PLEKHG5: variants seen among roughly 807,000 people sequenced by gnomAD.
PLEKHG5 encodes pleckstrin homology and RhoGEF domain containing G5.
Under a neutral mutation model 103.8 loss-of-function variants are expected in PLEKHG5, and 52 were observed. That is an observed-to-expected ratio of 0.50 (90% CI 0.40 to 0.63). The LOEUF (loss-of-function observed/expected upper bound fraction) is 0.63, where lower values mean the gene tolerates loss of function less well. Ranked by LOEUF, PLEKHG5 falls within the 30% of genes least tolerant of loss-of-function variation. PLEKHG5 has a pLI of 0.00. For missense variants in PLEKHG5, 1,205 were observed against 1,347.6 expected, an observed-to-expected ratio of 0.89 and a Z score of 1.66; for synonymous variants, 592 against 575.5, an observed-to-expected ratio of 1.03 and a Z score of -0.41.
At chr1:6,496,400 G>T (rs1645224700), upstream of PLEKHG5, 1 of 998,874 alleles carries the variant, frequency 1.0e-6, no homozygotes, top group Non-Finnish European at 1.6e-6. Context: ...CCCGTGCCAG[G>T]GCTCTGTGGA....
Position 6,473,085 on chromosome 1 carries a change from G to T in PLEKHG5, c.885C>A (p.Asp295Glu). Residue 295 changes from aspartate (D) to glutamate (E), a missense_variant, in exon 9 of 21, where the codon GAC (aspartate) becomes GAA (glutamate). Physicochemically the swap from Asp to Glu is conservative, Grantham distance 45 (BLOSUM62 2). Transcript: ENST00000377728. ...LPRLPRGLRF[D>E]HDSWEEEYDE... Reference sequence around the variant, plus strand: ...CGTACTCCTCCTCCCAGGAGTCATGGTCGAAGCGCAGCCCCCGGGGCAGCC... The same window carrying T: ...CGTACTCCTCCTCCCAGGAGTCATGTTCGAAGCGCAGCCCCCGGGGCAGCC... 1 of 1,613,946 alleles carries T rather than the reference G, an allele frequency of 6.2e-7. No homozygotes were observed. Among genetic ancestry groups the T allele is most frequent in the Non-Finnish European group, 8.5e-7 (1 of 1,179,912 alleles).
At position 6,471,490 on chromosome 1, in the gene PLEKHG5, T is replaced by A; in HGVS notation, c.1279A>T (p.Met427Leu). 1 of 1,610,280 alleles carries A rather than the reference T, an allele frequency of 6.2e-7. No individual in the cohort carries two copies. The highest frequency in any genetic ancestry group is 8.5e-7 in the Non-Finnish European group (1 of 1,178,998). Reference sequence around the variant, plus strand: ...CCTGCGCCCGGCCCCGCCCGTACCATCTTGAAGCCTTTGAGGAAGTCCCCG... The same window carrying A: ...CCTGCGCCCGGCCCCGCCCGTACCAACTTGAAGCCTTTGAGGAAGTCCCCG... ...QPGDFLKGFK[M>L]FGSLFKPYIR... Residue 427 changes from methionine (M) to leucine (L), a missense_variant and splice_region_variant, in exon 12 of 21, where the codon ATG becomes TTG. Transcript: ENST00000377728.
intron 1 of PLEKHG5, chr1:6,485,314 G>T: frequency 7.2e-7 from 1 of 1,393,546 alleles, no homozygotes; most frequent in Non-Finnish European, 9.3e-7. Flanking sequence ...GCCCCGTCCC[G>T]GCCCCGTACC....
intron 1 of PLEKHG5, among the ~76,000 whole-genome samples, chr1:6,489,441 G>A (rs921238103): frequency 3.9e-5 from 6 of 152,174 alleles, no homozygotes; most frequent in African/African-American, 9.7e-5. Flanking sequence ...TAAGCCCACC[G>A]CACGGGCCCT....
upstream of PLEKHG5, among the ~76,000 whole-genome samples, chr1:6,498,305 C>A (rs539857170): frequency 7.0e-4 from 106 of 152,314 alleles, 1 homozygote; most frequent in South Asian, 0.022. Context: ...TTCCCTGACC[C>A]CTTCACTGGA....
Position 6,505,245 on chromosome 1 carries a change from C to T in PLEKHG5, c.-164-8676G>A, listed in dbSNP as rs1557769807. 6.6e-6 allele frequency among the ~76,000 whole-genome samples: 1 copy of T among 152,088 alleles called. No homozygotes were observed. The highest frequency in any genetic ancestry group is 1.5e-5 in the Non-Finnish European group (1 of 68,002). On this transcript the variant is annotated intron_variant, in intron 1 of 21. Coordinates refer to the PLEKHG5 transcript ENST00000377740. This position sits in a 1 kb window ranked among gnomAD's most constrained non-coding sequence, Gnocchi z 4.2. ...GAGCTAGGTCCCCAGCCCACAGTGC[C>T]GGTCAGCCCACTGTGCCGACCAGCC...
At chr1:6,497,763 C>G (rs1055069073), upstream of PLEKHG5, among the ~76,000 whole-genome samples, 91 of 152,200 alleles carry the variant, frequency 6.0e-4, 1 homozygote, top group African/African-American at 2.2e-3. This position sits in a 1 kb window ranked among gnomAD's most constrained non-coding sequence, Gnocchi z 6.1. Context: ...AACACGGAGG[C>G]TGCCCCGCGC....
chr1:6,467,303 AGACTC>A lies in PLEKHG5; in HGVS notation c.*255_*259del, dbSNP rs1287828743. ...GGGCAGCCTAGGAGCCCAGCCCTGA[AGACTC>A]GAGCTGAGCTGGTAACTTCGGGGAG... On this transcript the variant is annotated 3_prime_UTR_variant, in exon 21 of 21. Coordinates refer to ENST00000377728, the MANE Select transcript of PLEKHG5 (RefSeq NM_020631.6). The A allele has an allele frequency of 5.1e-5, 31 of 603,752 alleles. No individual in the cohort carries two copies. Among genetic ancestry groups the A allele is most frequent in the Non-Finnish European group, 6.9e-5 (23 of 331,426 alleles). 37.4% of individuals were successfully genotyped at this position (603,752 alleles called of 1,614,324 possible). A position where few individuals can be genotyped will look rare whatever the true frequency, so the allele number is the denominator to read the frequency against.
chr1:6,485,116 G>A (rs989581945), intron 1 of PLEKHG5, among the ~76,000 whole-genome samples: 7 of 152,274 alleles, frequency 4.6e-5, no homozygotes, highest in African/African-American at 1.2e-4. Flanking sequence ...CTCAGCCGGC[G>A]GGGACACACC....
rs768826354 is a variant in PLEKHG5 at position 6,475,412 on chromosome 1, G to A, written c.210+50C>T. On this transcript the variant is annotated intron_variant, in intron 4 of 20. Transcript: ENST00000377728. ...GGAGGAAGGCCCAGGCTCGGGGAAG[G>A]GCGCAGGCTGTAGGGAACCCGCATC... 3 of 1,525,456 alleles carry A rather than the reference G, an allele frequency of 2.0e-6. No individual in the cohort carries two copies. In the South Asian group the frequency reaches 3.4e-5, roughly 17 times the overall value. 94.5% of individuals were successfully genotyped at this position (1,525,456 alleles called of 1,614,324 possible). A position where few individuals can be genotyped will look rare whatever the true frequency, so the allele number is the denominator to read the frequency against.
chr1:6,512,866 C>T (rs1417245102), intron 1 of PLEKHG5, among the ~76,000 whole-genome samples: 3 of 151,914 alleles, frequency 2.0e-5, no homozygotes, highest in East Asian at 1.9e-4. Context: ...ATTTATACAG[C>T]GTAGGCCTCA....
chr1:6,495,334 C>G (rs1023259695), upstream of PLEKHG5, among the ~76,000 whole-genome samples: 1 of 152,230 alleles, frequency 6.6e-6, no homozygotes, highest in Non-Finnish European at 1.5e-5. Context: ...CTCCCCGCCC[C>G]GCCCCATAGC....
upstream of PLEKHG5, chr1:6,497,151 G>A (rs948079143): frequency 2.0e-6 from 2 of 1,018,802 alleles, no homozygotes; most frequent in African/African-American, 1.6e-5. This position sits in a 1 kb window ranked among gnomAD's most constrained non-coding sequence, Gnocchi z 6.1. Context: ...GAAGCGGGGT[G>A]CTGCCGAGGC....
chr1:6,490,486 CTAAGG>C lies in PLEKHG5; in HGVS notation c.-88+1146_-88+1150del. ...GGTCTCCTCCCCGGTGTCTAAGGCT[CTAAGG>C]CTCGGGCCGAGACTGCCAAAGCCTC... On this transcript the variant is annotated intron_variant, in intron 1 of 20. Coordinates refer to ENST00000377728, the MANE Select transcript of PLEKHG5 (RefSeq NM_020631.6). This position sits in a 1 kb window ranked among gnomAD's most constrained non-coding sequence, Gnocchi z 8.0. 7.1e-6 allele frequency: 7 copies of C among 985,134 alleles called. No individual in the cohort carries two copies. Among genetic ancestry groups the C allele is most frequent in the Non-Finnish European group, 8.4e-6 (7 of 829,774 alleles). 61.0% of individuals were successfully genotyped at this position (985,134 alleles called of 1,614,324 possible).
At chr1:6,519,655 CCA>C (rs1369910617) in exon 1 of PLEKHG5, 8 of 714,120 alleles carry the variant, frequency 1.1e-5, no homozygotes, top group Admixed American at 6.1e-5. Context: ...CGACTCAGCC[CCA>C]GTCTTAATTT....
In PLEKHG5 at chr1:6,486,580, C is replaced by T. The variant is rs1645042902; in HGVS notation, c.-88+5057G>A. ...TGGGTGAGGTGGAGGCATCAGGAAA[C>T]CCTGGCGACCCACATGGCACAGCAG... On this transcript the variant is annotated intron_variant, in intron 1 of 20. Coordinates refer to ENST00000377728, the MANE Select transcript of PLEKHG5 (RefSeq NM_020631.6). The surrounding 1 kb of genome is among the most constrained non-coding windows in gnomAD (Gnocchi z 5.3). 6.6e-6 allele frequency among the ~76,000 whole-genome samples: 1 copy of T among 152,212 alleles called. No homozygotes were observed. The highest frequency in any genetic ancestry group is 2.1e-4 in the South Asian group (1 of 4,830).
intron 1 of PLEKHG5, among the ~76,000 whole-genome samples, chr1:6,479,336 G>C (rs889705447): frequency 6.8e-5 from 10 of 147,968 alleles, no homozygotes; most frequent in African/African-American, 2.0e-4. Flanking sequence ...GCCCAGGCTG[G>C]AGTGCAGTGG....
At chr1:6,485,296 C>G in intron 1 of PLEKHG5, 1 of 1,346,612 alleles carries the variant, frequency 7.4e-7, no homozygotes, top group Non-Finnish European at 9.5e-7. Flanking sequence ...GCACCCAGCC[C>G]CGTTCCCGCC....
rs1427853543 is a variant in PLEKHG5, at chr1:6,477,599, C to T, written c.-28G>A. On this transcript the variant is annotated 5_prime_UTR_variant, in exon 2 of 21. Coordinates refer to ENST00000377728, the MANE Select transcript of PLEKHG5 (RefSeq NM_020631.6). Reference sequence around the variant, plus strand: ...TGCTGTGGAACTTGCTGTCACAGGCCTCGCAGAGGTTGAGGGGCCCCCGGC... The same window carrying T: ...TGCTGTGGAACTTGCTGTCACAGGCTTCGCAGAGGTTGAGGGGCCCCCGGC... 9 of 1,611,558 alleles carry T rather than the reference C, an allele frequency of 5.6e-6. No individual in the cohort carries two copies. The highest frequency in any genetic ancestry group is 6.8e-6 in the Non-Finnish European group (8 of 1,179,986).
Sources: allele counts gnomAD v4.1 joint callset (sites outside exome capture counted in the v4.1 genomes callset), GRCh38; gene constraint gnomAD v4.1.1; non-coding constraint Gnocchi (gnomAD v3.1); transcripts MANE v1.5; gene names NCBI Gene and HGNC (gene_info 2026-07-23, HGNC 2026-07-21).